The following OPCML variants were observed in gnomAD, a reference collection of about 807,000 sequenced individuals.
The protein encoded by OPCML is opioid binding protein/cell adhesion molecule like, also known as opioid-binding protein/cell adhesion molecule.
A neutral mutation model predicts 37.8 loss-of-function variants in OPCML; 13 were observed. The ratio of observed to expected loss-of-function variants is 0.34; its 90% CI spans 0.22 to 0.55. OPCML has a LOEUF of 0.55. OPCML is among the 20% of genes least tolerant of loss of function. The pLI, the probability that OPCML is intolerant of heterozygous loss-of-function variation, is 0.91. For synonymous variants in OPCML, 176 were observed against 168.8 expected, an observed-to-expected ratio of 1.04 and a Z score of -0.33; for missense variants, 341 against 435.6, an observed-to-expected ratio of 0.78 and a Z score of 1.93.
At chr11:132,693,419 A>G (rs947597748) in intron 2 of OPCML, among the ~76,000 whole-genome samples, 4 of 152,186 alleles carry the variant, frequency 2.6e-5, no homozygotes, top group Non-Finnish European at 4.4e-5. Context: ...TGGGGCCCTA[A>G]GTGATTTCAA....
At chr11:132,551,474 C>A (rs189831388) in intron 3 of OPCML, among the ~76,000 whole-genome samples, 70 of 152,260 alleles carry the variant, frequency 4.6e-4, no homozygotes, top group African/African-American at 1.6e-3. Context: ...GTAGTACTAA[C>A]AAATTAGCCA....
intron 1 of OPCML, among the ~76,000 whole-genome samples, chr11:133,272,865 T>C (rs1220793207): frequency 6.6e-6 from 1 of 152,232 alleles, no homozygotes; most frequent in Non-Finnish European, 1.5e-5. Flanking sequence ...GCCAAGTTTC[T>C]ACGAAGTGAG....
chr11:132,951,452 C>T (rs1417634833), intron 1 of OPCML, among the ~76,000 whole-genome samples: 1 of 152,186 alleles, frequency 6.6e-6, no homozygotes, highest in Non-Finnish European at 1.5e-5. Flanking sequence ...GGGCCCCATC[C>T]TTCTGACCCC....
chr11:132,794,285 A>C (rs1938152304), intron 2 of OPCML, among the ~76,000 whole-genome samples: 1 of 152,166 alleles, frequency 6.6e-6, no homozygotes, highest in Non-Finnish European at 1.5e-5. Flanking sequence ...CTCTTTAAGA[A>C]TCTGTTTCTG....
At chr11:133,354,129 A>T (rs1351875801) in intron 1 of OPCML, among the ~76,000 whole-genome samples, 1 of 12,630 alleles carries the variant, frequency 7.9e-5, no homozygotes, top group Non-Finnish European at 1.6e-4. Flanking sequence ...CTGCAGAATC[A>T]AAGGGCGTTT....
intron 4 of OPCML, among the ~76,000 whole-genome samples, chr11:132,512,670 C>T (rs905875720): frequency 7.9e-5 from 12 of 151,502 alleles, no homozygotes; most frequent in Non-Finnish European, 1.5e-4. Context: ...AGTTCATATA[C>T]ACATGTTTTA....
intron 1 of OPCML, among the ~76,000 whole-genome samples, chr11:133,469,481 C>A (rs1018369376): frequency 2.0e-5 from 3 of 152,198 alleles, no homozygotes; most frequent in Non-Finnish European, 4.4e-5. Context: ...TGCTGTCATA[C>A]AAAAGCTTCT....
chr11:133,034,020 A>G (rs1218556716), intron 1 of OPCML, among the ~76,000 whole-genome samples: 1 of 152,226 alleles, frequency 6.6e-6, no homozygotes, highest in Non-Finnish European at 1.5e-5. Flanking sequence ...TGATGCAAAA[A>G]ATGACTTAGT....
At chr11:132,813,166 T>C (rs1054998019) in intron 2 of OPCML, among the ~76,000 whole-genome samples, 1 of 152,220 alleles carries the variant, frequency 6.6e-6, no homozygotes, top group African/African-American at 2.4e-5. Flanking sequence ...GATAACTTTA[T>C]ATTTTGATGA....
At chr11:132,745,375 T>C (rs923403782) in intron 2 of OPCML, among the ~76,000 whole-genome samples, 22 of 152,216 alleles carry the variant, frequency 1.4e-4, no homozygotes, top group African/African-American at 5.1e-4. Context: ...ATCAAGGTAC[T>C]TGAGGCTCTA....
At chr11:133,351,331 A>C (rs542367563) in intron 1 of OPCML, among the ~76,000 whole-genome samples, 1 of 152,062 alleles carries the variant, frequency 6.6e-6, no homozygotes, top group Non-Finnish European at 1.5e-5. Flanking sequence ...TTCCAACACA[A>C]CTGCAGTTAT....
intron 1 of OPCML, among the ~76,000 whole-genome samples, chr11:133,306,435 T>C (rs1942920006): frequency 6.6e-6 from 1 of 152,162 alleles, no homozygotes; most frequent in South Asian, 2.1e-4. Context: ...TTTGACGCGG[T>C]CACTCTAAAA....
chr11:133,221,854 C>A (rs1164005413), intron 1 of OPCML, among the ~76,000 whole-genome samples: 2 of 152,134 alleles, frequency 1.3e-5, no homozygotes, highest in Non-Finnish European at 2.9e-5. Flanking sequence ...GTGATCTCAG[C>A]CATTTCAACA....
At chr11:133,153,644 G>A (rs533427688) in intron 1 of OPCML, among the ~76,000 whole-genome samples, 1 of 152,262 alleles carries the variant, frequency 6.6e-6, no homozygotes, top group African/African-American at 2.4e-5. Flanking sequence ...AACAGCAGAG[G>A]GGCTTATGTC....
At chr11:133,160,292 G>C (rs867478811) in intron 1 of OPCML, among the ~76,000 whole-genome samples, 17 of 152,302 alleles carry the variant, frequency 1.1e-4, no homozygotes, top group African/African-American at 1.7e-4. Flanking sequence ...AGGATCAGAA[G>C]AAATAGAATA....
chr11:132,699,259 T>G (rs1449992746), intron 2 of OPCML, among the ~76,000 whole-genome samples: 1 of 152,114 alleles, frequency 6.6e-6, no homozygotes, highest in Non-Finnish European at 1.5e-5. Flanking sequence ...GGTGGAGGCT[T>G]TGGCATTTTC....
chr11:132,829,634 A>G (rs1444411624), intron 2 of OPCML, among the ~76,000 whole-genome samples: 1 of 152,194 alleles, frequency 6.6e-6, no homozygotes, highest in Non-Finnish European at 1.5e-5. Flanking sequence ...GTTGGCCTAC[A>G]TTAGCAGCCT....
chr11:133,331,734 A>G (rs1943623960), intron 1 of OPCML, among the ~76,000 whole-genome samples: 1 of 152,146 alleles, frequency 6.6e-6, no homozygotes, highest in Non-Finnish European at 1.5e-5. Flanking sequence ...GTAAAACATT[A>G]ATCACATCTT....
At chr11:133,304,108 G>A (rs971219782) in intron 1 of OPCML, among the ~76,000 whole-genome samples, 2 of 152,064 alleles carry the variant, frequency 1.3e-5, no homozygotes, top group East Asian at 1.9e-4. Flanking sequence ...AGAGATGTTC[G>A]CACAAGGGAA....
Sources: allele counts gnomAD v4.1 joint callset (sites outside exome capture counted in the v4.1 genomes callset), GRCh38; gene constraint gnomAD v4.1.1; transcripts MANE v1.5; gene names NCBI Gene and HGNC (gene_info 2026-07-23, HGNC 2026-07-21).